Variants in PLCB4 observed in about 807,000 individuals in gnomAD.
PLCB4 encodes the protein phospholipase C beta 4.
A neutral mutation model predicts 178.8 loss-of-function variants in PLCB4; 77 were observed. That is an observed-to-expected ratio of 0.43 (90% CI 0.36 to 0.52). The LOEUF (loss-of-function observed/expected upper bound fraction) is 0.52, where lower values mean the gene tolerates loss of function less well. PLCB4 is among the 20% of genes least tolerant of loss of function. The probability of loss-of-function intolerance (pLI) is 0.00; values close to 1 mark genes in which losing one functional copy is unlikely to be tolerated. For synonymous variants in PLCB4, 496 were observed against 490.8 expected (o/e 1.01, Z -0.14); for missense variants, 1,024 against 1,453.4 (o/e 0.70, Z 4.80).
intron 2 of PLCB4, among the ~76,000 whole-genome samples, chr20:9,161,477 G>A (rs983198234): frequency 1.3e-5 from 2 of 152,194 alleles, no homozygotes; most frequent in Non-Finnish European, 2.9e-5. Flanking sequence ...AGTGCAATCC[G>A]CTGCTCTTAC....
At chr20:9,341,998 A>G (rs192346536) in intron 7 of PLCB4, among the ~76,000 whole-genome samples, 1 of 152,174 alleles carries the variant, frequency 6.6e-6, no homozygotes, top group African/African-American at 2.4e-5. Flanking sequence ...CTCATTGTCC[A>G]AACTGGACAG....
At chr20:9,475,918 C>G (rs2044511140) in intron 38 of PLCB4, among the ~76,000 whole-genome samples, 1 of 152,216 alleles carries the variant, frequency 6.6e-6, no homozygotes, top group Non-Finnish European at 1.5e-5. Context: ...TGTCTCCAGA[C>G]AATGCAAACT....
chr20:9,377,550 A>G (rs984112905), intron 12 of PLCB4, among the ~76,000 whole-genome samples: 1 of 152,196 alleles, frequency 6.6e-6, no homozygotes, highest in Non-Finnish European at 1.5e-5. Context: ...TGAAGATTTT[A>G]GGGAGAGCTG....
chr20:9,095,382 CATT>C (rs1476938197), intron 1 of PLCB4, among the ~76,000 whole-genome samples: 5 of 152,196 alleles, frequency 3.3e-5, no homozygotes, highest in South Asian at 4.2e-4. Context: ...ATCTATATAT[CATT>C]ATCCCCATTG....
intron 36 of PLCB4, among the ~76,000 whole-genome samples, chr20:9,469,318 C>T (rs965805941): frequency 1.3e-4 from 20 of 152,168 alleles, no homozygotes; most frequent in African/African-American, 4.8e-4. Context: ...TTCCCAGGTT[C>T]CACTGGGTCA....
intron 28 of PLCB4, among the ~76,000 whole-genome samples, chr20:9,427,476 C>T (rs1400531339): frequency 6.6e-6 from 1 of 152,046 alleles, no homozygotes; most frequent in Admixed American, 6.5e-5. Context: ...AAAAACAACC[C>T]TGTCTTTTAC....
intron 35 of PLCB4, among the ~76,000 whole-genome samples, chr20:9,461,112 C>G (rs1410454489): frequency 6.6e-6 from 1 of 152,170 alleles, no homozygotes; most frequent in African/African-American, 2.4e-5. Flanking sequence ...CAGCATGGCA[C>G]TTGTCTAATC....
At chr20:9,330,022 G>C (rs769057698) in intron 4 of PLCB4, among the ~76,000 whole-genome samples, 1 of 152,170 alleles carries the variant, frequency 6.6e-6, no homozygotes, top group Non-Finnish European at 1.5e-5. Context: ...AAAATTTGTG[G>C]TTCTGAGAGA....
At chr20:9,203,056 AATATATAT>A (rs55690764) in intron 2 of PLCB4, among the ~76,000 whole-genome samples, 39 of 126,148 alleles carry the variant, frequency 3.1e-4, no homozygotes, top group Admixed American at 1.4e-3. Flanking sequence ...AAAAAAAAAA[AATATATAT>A]ATATATATAT....
At chr20:9,462,666 A>G (rs956305351) in intron 35 of PLCB4, among the ~76,000 whole-genome samples, 1 of 152,238 alleles carries the variant, frequency 6.6e-6, no homozygotes, top group Admixed American at 6.5e-5. Context: ...AAAGGGTATC[A>G]GTGATTGAAG....
At chr20:9,356,494 C>G (rs1024686074) in intron 7 of PLCB4, among the ~76,000 whole-genome samples, 2 of 152,152 alleles carry the variant, frequency 1.3e-5, no homozygotes, top group African/African-American at 4.8e-5. Flanking sequence ...CACTGAATAG[C>G]CTTCATCTGT....
chr20:9,284,216 G>T (rs1253948764), intron 3 of PLCB4, among the ~76,000 whole-genome samples: 1 of 151,948 alleles, frequency 6.6e-6, no homozygotes, highest in Admixed American at 6.6e-5. Context: ...GCCAGGAAAA[G>T]CATCTTAGAT....
At chr20:9,108,866 C>G (rs987580615) in intron 2 of PLCB4, among the ~76,000 whole-genome samples, 1 of 145,844 alleles carries the variant, frequency 6.9e-6, no homozygotes, top group Non-Finnish European at 1.5e-5. Flanking sequence ...GAGAGAGATA[C>G]AGAGTGATGA....
At chr20:9,357,199 T>C (rs919199178) in intron 7 of PLCB4, among the ~76,000 whole-genome samples, 9 of 152,200 alleles carry the variant, frequency 5.9e-5, no homozygotes, top group African/African-American at 2.2e-4. Flanking sequence ...GAAGTTCCCA[T>C]GTTTTAAATA....
At position 9,133,962 on chromosome 20, in the gene PLCB4, G is replaced by A. The variant is rs76462466; in HGVS notation, c.-79+37620G>A. Among the ~76,000 whole-genome samples, 21 of 152,320 alleles carry A rather than the reference G, an allele frequency of 1.4e-4. No homozygotes were observed. The East Asian group carries it at 4.1e-3, about 29-fold the overall frequency. ...AAAGAGTGTGAAGACAAAGCTTTGT[G>A]CCTCAAATGTCCTACTGTAAAGACC... On this transcript the variant is annotated intron_variant, in intron 2 of 39. Transcript: ENST00000378473.
chr20:9,373,540 A>G lies in PLCB4; in HGVS notation c.744+436A>G, dbSNP rs554445228. Among the ~76,000 whole-genome samples the G allele has an allele frequency of 2.6e-5, 4 of 152,230 alleles. No individual in the cohort carries two copies. In the East Asian group the frequency reaches 7.7e-4, roughly 29 times the overall value. ...ACCTTTGCATGGACTGGAAAGCTTT[A>G]TTTTTGTCTTTTAATGGATTGCATG... is the stretch of plus-strand genomic sequence containing the variant. On this transcript the variant is annotated intron_variant, in intron 12 of 39. Coordinates refer to ENST00000378473, the MANE Select transcript of PLCB4 (RefSeq NM_001377142.1).
intron 2 of PLCB4, among the ~76,000 whole-genome samples, chr20:9,111,436 T>C (rs1568770214): frequency 1.3e-5 from 2 of 152,218 alleles, no homozygotes; most frequent in East Asian, 1.9e-4. Context: ...TTTGAAAATA[T>C]TCCATTTATG....
chr20:9,138,429 C>A (rs923364162), intron 2 of PLCB4, among the ~76,000 whole-genome samples: 1 of 151,950 alleles, frequency 6.6e-6, no homozygotes, highest in African/African-American at 2.4e-5. Context: ...TGCTAGATAT[C>A]ATATAGCACA....
At chr20:9,402,649 C>A (rs983971313) in intron 20 of PLCB4, among the ~76,000 whole-genome samples, 2 of 152,160 alleles carry the variant, frequency 1.3e-5, no homozygotes, top group Non-Finnish European at 2.9e-5. Flanking sequence ...AGACGAGAGT[C>A]CCCGATGGTC....
Sources: allele counts gnomAD v4.1 joint callset (sites outside exome capture counted in the v4.1 genomes callset), GRCh38; gene constraint gnomAD v4.1.1; transcripts MANE v1.5; gene names NCBI Gene and HGNC (gene_info 2026-07-23, HGNC 2026-07-21).